GSDMD: variants seen among roughly 807,000 people sequenced by gnomAD.
GSDMD encodes the protein gasdermin D.
A neutral mutation model predicts 46.7 loss-of-function variants in GSDMD; 46 were observed. That is an observed-to-expected ratio of 0.99 (90% CI 0.78 to 1.26). GSDMD has a LOEUF of 1.26. GSDMD is among the 50% of genes most tolerant of loss of function. The probability of loss-of-function intolerance (pLI) is 0.00; values close to 1 mark genes in which losing one functional copy is unlikely to be tolerated. For synonymous variants in GSDMD, 307 were observed against 283.1 expected (o/e 1.08, Z -0.85); for missense variants, 649 against 638.8 (o/e 1.02, Z -0.17).
Position 143,561,666 on chromosome 8 carries a change from G to A in GSDMD, c.737-76G>A, listed in dbSNP as rs1211650104. 8.0e-6 allele frequency: 10 copies of A among 1,248,044 alleles called. No homozygotes were observed. The East Asian group carries it at 1.8e-4, about 22-fold the overall frequency. The allele number at this position is 1,248,044 out of a possible 1,614,324, so 77.3% of individuals were successfully genotyped here. Reference sequence around the variant, plus strand: ...GTGAGCGGGGCTGTGACGGCCTGGGGAAGGCCTCAGCCCTCTCTGGCTCAG... The same window carrying A: ...GTGAGCGGGGCTGTGACGGCCTGGGAAAGGCCTCAGCCCTCTCTGGCTCAG... On this transcript the variant is annotated intron_variant, in intron 6 of 10. Coordinates refer to ENST00000262580, the MANE Select transcript of GSDMD (RefSeq NM_024736.7).
chr8:143,556,943 G>A (rs192631006), upstream of GSDMD, among the ~76,000 whole-genome samples: 21 of 152,342 alleles, frequency 1.4e-4, no homozygotes, highest in Admixed American at 8.5e-4. Flanking sequence ...CATCACCAAC[G>A]GCCAATATCA....
upstream of GSDMD, among the ~76,000 whole-genome samples, chr8:143,557,196 G>A (rs1823313823): frequency 6.6e-6 from 1 of 152,296 alleles, no homozygotes; most frequent in Non-Finnish European, 1.5e-5. Flanking sequence ...TTTTGACCGT[G>A]GGCGCCGTTC....
intron 1 of GSDMD, 36 bp from the exon 2 acceptor site, chr8:143,559,296 C>CCCCGG: frequency 9.5e-7 from 1 of 1,052,406 alleles, no homozygotes; most frequent in Non-Finnish European, 1.4e-6. Context: ...CCGCCCGCCC[C>CCCCGG]GAGAGCACAA....
At position 143,561,037 on chromosome 8, in the gene GSDMD, G is replaced by C. The variant is rs145648319; in HGVS notation, c.615G>C (p.Thr205=). 5 of 1,613,036 alleles carry C rather than the reference G, an allele frequency of 3.1e-6. No homozygotes were observed. The highest frequency in any genetic ancestry group is 1.3e-5 in the African/African-American group (1 of 75,052). The change falls in exon 5 of 11, where the codon ACG becomes ACC. Residue 205 remains threonine (T), a synonymous_variant. Transcript: ENST00000262580. ...EGQGHLSQKK[T]VTIPSGSTLA... is the part of the protein sequence containing the mutation. ...AGGGCCATCTGAGCCAGAAGAAGAC[G>C]GTCACCATCCCCTCAGGCAGCACCC...
rs927374723 is a variant in GSDMD, at chr8:143,561,586, G to A, written c.737-156G>A. ...ACACAAGGGGCAACACAGGACAGCT[G>A]ACCCTGGGCCTCCCCAGCCTCCCTT... On this transcript the variant is annotated intron_variant, in intron 6 of 10. Coordinates refer to ENST00000262580, the MANE Select transcript of GSDMD (RefSeq NM_024736.7). 10 of 900,542 alleles carry A rather than the reference G, an allele frequency of 1.1e-5. No individual in the cohort carries two copies. In the Admixed American group the frequency reaches 1.6e-4, roughly 15 times the overall value. 55.8% of individuals were successfully genotyped at this position (900,542 alleles called of 1,614,324 possible).
chr8:143,561,531 C>G, intron 6 of GSDMD, 108 bp downstream of exon 6: 3 of 1,188,946 alleles, frequency 2.5e-6, no homozygotes, highest in East Asian at 2.5e-5. Flanking sequence ...GCCGGGCAGC[C>G]CCCTGAGGCG....
At chr8:143,561,927 C>T in intron 7 of GSDMD, 32 bp from the exon 8 acceptor site, 3 of 1,606,580 alleles carry the variant, frequency 1.9e-6, no homozygotes, top group Non-Finnish European at 2.6e-6. Flanking sequence ...CCTGTAAGCA[C>T]CTGGGCAGTG....
rs781777596 is a variant in GSDMD at position 143,558,471 on chromosome 8, C to G, written c.-5+20C>G. 2.7e-6 allele frequency: 4 copies of G among 1,463,566 alleles called. No individual in the cohort carries two copies. In the South Asian group the frequency reaches 5.3e-5, roughly 19 times the overall value. 90.7% of individuals were successfully genotyped at this position (1,463,566 alleles called of 1,614,324 possible). On this transcript the variant is annotated intron_variant, in intron 1 of 10. Coordinates refer to ENST00000262580, the MANE Select transcript of GSDMD (RefSeq NM_024736.7). The stretch of plus-strand genomic sequence containing the variant: ...GTCACGGTGAGCTGCGCCCCGCCCC[C>G]TCCCCCGGCCTGGCTGGAGCTCCCG...
Position 143,562,360 on chromosome 8 carries a change from C to T in GSDMD, c.1138+10C>T, listed in dbSNP as rs1021164669. On this transcript the variant is annotated intron_variant, in intron 9 of 10. Coordinates refer to ENST00000262580, the MANE Select transcript of GSDMD (RefSeq NM_024736.7). ...CTGGGGGCACTGACCAGTGAGCGGC[C>T]GCTGGGGGCAGGTGGCGGGTGGGAG... is the stretch of plus-strand genomic sequence containing the variant. 3.1e-5 allele frequency: 22 copies of T among 716,404 alleles called. No homozygotes were observed. The highest frequency in any genetic ancestry group is 6.4e-5 in the East Asian group (1 of 15,596). The allele number at this position is 716,404 out of a possible 1,614,324, so 44.4% of individuals were successfully genotyped here. A position where few individuals can be genotyped will look rare whatever the true frequency, so the allele number is the denominator to read the frequency against.
chr8:143,561,909 TC>T (rs763037987), intron 7 of GSDMD, 49 bp from the exon 8 acceptor site: 1 of 1,607,160 alleles, frequency 6.2e-7, no homozygotes, highest in South Asian at 1.1e-5. Context: ...ACCGAGGCTT[TC>T]CAGGGCCCTG....
At position 143,562,138 on chromosome 8, in the gene GSDMD, G is replaced by C; in HGVS notation, c.996+7G>C. On this transcript the variant is annotated splice_region_variant and intron_variant, in intron 8 of 10. Transcript: ENST00000262580. ...GCGAGCCTTGGAGGAGGCGGTGAGC[G>C]GGGGAGGGTGCCCGGGGCACACAAG... 6.3e-7 allele frequency: 1 copy of C among 1,598,084 alleles called. No individual in the cohort carries two copies. Among genetic ancestry groups the C allele is most frequent in the South Asian group, 1.1e-5 (1 of 90,940 alleles).
At chr8:143,555,678 G>C (rs1198530721), upstream of GSDMD, among the ~76,000 whole-genome samples, 1 of 152,242 alleles carries the variant, frequency 6.6e-6, no homozygotes, top group African/African-American at 2.4e-5. Context: ...TCCAGGGGCA[G>C]CAGTGTGTGG....
At chr8:143,554,405 C>T (rs1394428520), upstream of GSDMD, among the ~76,000 whole-genome samples, 3 of 149,296 alleles carry the variant, frequency 2.0e-5, no homozygotes, top group Non-Finnish European at 4.5e-5. Context: ...CAAACGCGCA[C>T]ACGTACGTGT....
chr8:143,558,389 C>T lies in GSDMD; in HGVS notation c.-67C>T, dbSNP rs1345977611. On this transcript the variant is annotated 5_prime_UTR_variant, in exon 1 of 11. Coordinates refer to ENST00000262580, the MANE Select transcript of GSDMD (RefSeq NM_024736.7). ...CTGGGCACCTCCAGCTCCTGCTCGC[C>T]GGACGGCTCCCAGGGAGAGCAGACG... 7 of 1,518,444 alleles carry T rather than the reference C, an allele frequency of 4.6e-6. No homozygotes were observed. The highest frequency in any genetic ancestry group is 1.4e-5 in the African/African-American group (1 of 70,660). 94.1% of individuals were successfully genotyped at this position (1,518,444 alleles called of 1,614,324 possible).
upstream of GSDMD, among the ~76,000 whole-genome samples, chr8:143,557,383 G>GATGCTGCCGCTGTGACGACA (rs1823327762): frequency 2.7e-5 from 3 of 113,110 alleles, no homozygotes; most frequent in South Asian, 2.9e-4. Context: ...CTATGGCGAA[G>GATGCTGCCGCTGTGACGACA]GATGATGCCG....
At chr8:143,558,623 G>C in intron 1 of GSDMD, 172 bp downstream of exon 1, 1 of 653,076 alleles carries the variant, frequency 1.5e-6, no homozygotes, top group Non-Finnish European at 2.5e-6. Flanking sequence ...CCCCTGGCCA[G>C]CCCAGGGGCC....
At chr8:143,558,261 CG>C, upstream of GSDMD, 6 of 1,383,736 alleles carry the variant, frequency 4.3e-6, no homozygotes, top group African/African-American at 3.1e-5. Context: ...GGCGGGCTGG[CG>C]GGAAGAGGGG....
chr8:143,561,761 C>G lies in GSDMD; in HGVS notation c.756C>G (p.Ser252Arg), dbSNP rs769590595. ...GCCCAGGCCACAAGCGTTCCACGAG[C>G]GAAGGCGCCTGGCCACAGCTGCCCT... ...PPATGHKRST[S>R]EGAWPQLPSG... Residue 252 changes from serine to arginine, a missense_variant, in exon 7 of 11, where the codon AGC becomes AGG. Ser to Arg is a moderately radical substitution (Grantham distance 110). Coordinates refer to ENST00000262580, the MANE Select transcript of GSDMD (RefSeq NM_024736.7). 1 of 1,609,114 alleles carries G rather than the reference C, an allele frequency of 6.2e-7. No individual in the cohort carries two copies. Among genetic ancestry groups the G allele is most frequent in the African/African-American group, 1.3e-5 (1 of 74,944 alleles).
In GSDMD at chr8:143,562,967, A is replaced by C. The variant is rs1467432690; in HGVS notation, c.*63A>C. On this transcript the variant is annotated 3_prime_UTR_variant, in exon 11 of 11. Transcript: ENST00000262580. Reference sequence around the variant, plus strand: ...GCAGAGTGTTTGCCCACCAGCTGCTAGCCCTAGGAAGGCCAGGAGCCCAGT... The same window carrying C: ...GCAGAGTGTTTGCCCACCAGCTGCTCGCCCTAGGAAGGCCAGGAGCCCAGT... 1.9e-6 allele frequency: 3 copies of C among 1,599,552 alleles called. No homozygotes were observed. The highest frequency in any genetic ancestry group is 2.6e-6 in the Non-Finnish European group (3 of 1,175,986).
Sources: allele counts gnomAD v4.1 joint callset (sites outside exome capture counted in the v4.1 genomes callset), GRCh38; gene constraint gnomAD v4.1.1; transcripts MANE v1.5; gene names NCBI Gene and HGNC (gene_info 2026-07-23, HGNC 2026-07-21).